Variants in OTOF observed in about 807,000 individuals in gnomAD.
OTOF encodes the protein fer-1-like family member 2.
A neutral mutation model predicts 236.8 loss-of-function variants in OTOF; 218 were observed. The ratio of observed to expected loss-of-function variants is 0.92; its 90% confidence interval spans 0.82 to 1.03. The LOEUF is 1.03. Among genes scored for constraint, OTOF ranks in the 50% least tolerant of loss-of-function variants. The pLI is 0.00. For synonymous variants in OTOF, 1,041 were observed against 1,072.5 expected, an observed-to-expected ratio of 0.97 and a Z score of 0.57; for missense variants, 2,590 against 2,694.4, an observed-to-expected ratio of 0.96 and a Z score of 0.86.
intron 3 of OTOF, among the ~76,000 whole-genome samples, chr2:26,523,685 T>G (rs1035272162): frequency 2.6e-5 from 4 of 152,224 alleles, no homozygotes; most frequent in African/African-American, 9.6e-5. Context: ...CATTTATTCA[T>G]TCTTTTATTC....
At chr2:26,495,989 G>C (rs1665973873) in intron 8 of OTOF, among the ~76,000 whole-genome samples, 1 of 152,022 alleles carries the variant, frequency 6.6e-6, no homozygotes, top group Non-Finnish European at 1.5e-5. Flanking sequence ...GAATTTCTTT[G>C]TTTGTATGGC....
chr2:26,531,118 C>A (rs945013397), intron 2 of OTOF, among the ~76,000 whole-genome samples: 4 of 152,190 alleles, frequency 2.6e-5, no homozygotes, highest in Non-Finnish European at 5.9e-5. Flanking sequence ...CCTTGCTGTG[C>A]CCAGACAGCA....
chr2:26,460,957 G>A lies in OTOF; in HGVS notation c.5607C>T (p.Ala1869=), dbSNP rs1664436526. ...CGAGGGGCACGTCCACCTCCCCGGT[G>A]GCCATCTCCATGGTGCACTGCTTGG... is the stretch of plus-strand genomic sequence containing the variant. ...KTAKQCTMEM[A]TGEVDVPLVS... Residue 1869 remains alanine, a synonymous_variant, in exon 44 of 47, where the codon GCC becomes GCT. Transcript: ENST00000272371. This position sits in a 1 kb window ranked among gnomAD's most constrained non-coding sequence, Gnocchi z 5.3. 30 of 1,614,062 alleles carry A rather than the reference G, an allele frequency of 1.9e-5. No individual in the cohort carries two copies. Among genetic ancestry groups the A allele is most frequent in the Non-Finnish European group, 2.5e-5 (29 of 1,179,968 alleles).
At chr2:26,489,650 T>G in intron 10 of OTOF, 28 bp downstream of exon 10, 1 of 1,597,624 alleles carries the variant, frequency 6.3e-7, no homozygotes, top group Non-Finnish European at 8.6e-7. Context: ...GGAGTGGCCC[T>G]GCCGGCCAGG....
In OTOF at chr2:26,470,416, G is replaced by A. The variant is rs1395540744; in HGVS notation, c.4023+177C>T. 2.0e-5 allele frequency among the ~76,000 whole-genome samples: 3 copies of A among 152,098 alleles called. No homozygotes were observed. The highest frequency in any genetic ancestry group is 2.9e-5 in the Non-Finnish European group (2 of 68,034). On this transcript the variant is annotated intron_variant, in intron 32 of 46. Coordinates refer to ENST00000272371, the MANE Select transcript of OTOF (RefSeq NM_194248.3). This position sits in a 1 kb window ranked among gnomAD's most constrained non-coding sequence, Gnocchi z 4.3. ...AAAACCAAGCAGGGAAGGTAGATGG[G>A]ACCATCATCTTGGAAGGTGAGTTCT... is the stretch of plus-strand genomic sequence containing the variant.
intron 5 of OTOF, among the ~76,000 whole-genome samples, chr2:26,507,078 C>A (rs746475408): frequency 4.6e-5 from 7 of 152,214 alleles, no homozygotes; most frequent in Non-Finnish European, 8.8e-5. Context: ...CCCTTCCAAC[C>A]CTGCATAGTT....
chr2:26,482,857 ATGCATGTGTGCGTGTGTGAGTGGT>A (rs1434538995), intron 13 of OTOF, among the ~76,000 whole-genome samples: 4 of 57,386 alleles, frequency 7.0e-5, no homozygotes, highest in East Asian at 1.2e-3. Context: ...GCGTGAGTGG[ATGCATGTGTGCGTGTGTGAGTGGT>A]TGCATGTGTG....
intron 3 of OTOF, among the ~76,000 whole-genome samples, chr2:26,524,475 C>A (rs542595603): frequency 3.3e-5 from 5 of 152,344 alleles, no homozygotes; most frequent in African/African-American, 1.2e-4. Flanking sequence ...GGCCACTGCA[C>A]TCCAGCCTGG....
At chr2:26,506,905 C>A (rs542249975) in intron 5 of OTOF, among the ~76,000 whole-genome samples, 1 of 152,236 alleles carries the variant, frequency 6.6e-6, no homozygotes, top group East Asian at 1.9e-4. Flanking sequence ...GCAGGAGAAT[C>A]GCTTGAACTA....
At chr2:26,517,195 G>A (rs985980667) in intron 4 of OTOF, among the ~76,000 whole-genome samples, 3 of 152,196 alleles carry the variant, frequency 2.0e-5, no homozygotes, top group Admixed American at 2.0e-4. Context: ...AGGCTTAGCA[G>A]TGGAGAGTCA....
At chr2:26,518,615 C>T (rs1666594175) in intron 4 of OTOF, among the ~76,000 whole-genome samples, 1 of 152,278 alleles carries the variant, frequency 6.6e-6, no homozygotes, top group African/African-American at 2.4e-5. Context: ...GAAATGAGGT[C>T]CCTGCCCTCC....
Position 26,476,927 on chromosome 2 carries a change from G to T in OTOF, c.2640C>A (p.Gly880=). Reference sequence around the variant, plus strand: ...GCGTCTTGACCTTGGCGCAGTCCTTGCCAGTCTCCTCCTCCACGATGGAGA... The same window carrying T: ...GCGTCTTGACCTTGGCGCAGTCCTTTCCAGTCTCCTCCTCCACGATGGAGA... The part of the protein sequence containing the change: ...LLFSIVEEET[G]KDCAKVKTLF... The change falls in exon 22 of 47, where the codon GGC becomes GGA. Residue 880 remains glycine, a synonymous_variant. Transcript: ENST00000272371. 1 of 1,611,004 alleles carries T rather than the reference G, an allele frequency of 6.2e-7. No homozygotes were observed. The highest frequency in any genetic ancestry group is 8.5e-7 in the Non-Finnish European group (1 of 1,179,496).
intron 36 of OTOF, 123 bp downstream of exon 36, chr2:26,466,591 C>T (rs1351435185): frequency 2.0e-4 from 239 of 1,175,232 alleles, no homozygotes; most frequent in Non-Finnish European, 1.5e-5. Context: ...CCTGCCTTGG[C>T]CTCCCAAAGT....
chr2:26,459,820 T>C (rs570668425), intron 46 of OTOF, among the ~76,000 whole-genome samples, 188 bp downstream of exon 46: 4 of 152,324 alleles, frequency 2.6e-5, no homozygotes, highest in African/African-American at 9.6e-5. Flanking sequence ...TGGGCTTAAG[T>C]GTGTGCCTGT....
intron 46 of OTOF, 56 bp from the exon 47 acceptor site, chr2:26,458,276 G>A: frequency 6.6e-7 from 1 of 1,514,382 alleles, no homozygotes; most frequent in Non-Finnish European, 9.0e-7. Context: ...GCCTCCCAGT[G>A]CACCCCATCC....
intron 1 of OTOF, among the ~76,000 whole-genome samples, chr2:26,550,132 C>G (rs1462616990): frequency 1.3e-5 from 2 of 150,352 alleles, no homozygotes; most frequent in Admixed American, 1.3e-4. Context: ...TGGGTGAAAA[C>G]TCGTCTCCAC....
At chr2:26,494,741 T>G (rs1240790378) in intron 9 of OTOF, among the ~76,000 whole-genome samples, 1 of 151,808 alleles carries the variant, frequency 6.6e-6, no homozygotes, top group African/African-American at 2.4e-5. Flanking sequence ...TGTCGGCCTG[T>G]GCTCTAGACT....
Position 26,489,400 on chromosome 2 carries a change from C to A in OTOF, c.961-105G>T, listed in dbSNP as rs945531971. Reference sequence around the variant, plus strand: ...TTGTGGTGAAGTGGGAGGGCGTTGGCAGAGTGGGGTGGCTCACTGAGGCTC... The same window carrying A: ...TTGTGGTGAAGTGGGAGGGCGTTGGAAGAGTGGGGTGGCTCACTGAGGCTC... On this transcript the variant is annotated intron_variant, in intron 10 of 46. Coordinates refer to ENST00000272371, the MANE Select transcript of OTOF (RefSeq NM_194248.3). The A allele has an allele frequency of 9.0e-6, 8 of 886,746 alleles. No homozygotes were observed. In the African/African-American group the frequency reaches 1.3e-4, roughly 15 times the overall value. 54.9% of individuals were successfully genotyped at this position (886,746 alleles called of 1,614,324 possible). A position where few individuals can be genotyped will look rare whatever the true frequency, so the allele number is the denominator to read the frequency against.
intron 8 of OTOF, among the ~76,000 whole-genome samples, chr2:26,499,472 G>T (rs917375037): frequency 6.6e-6 from 1 of 151,928 alleles, no homozygotes; most frequent in Non-Finnish European, 1.5e-5. Context: ...GAGTGAAGTC[G>T]TATCTGGTTT....
Sources: gnomAD v4.1 joint callset for allele counts (sites outside exome capture counted in the v4.1 genomes callset) on GRCh38, gnomAD v4.1.1 for gene constraint, Gnocchi (gnomAD v3.1) non-coding constraint, MANE v1.5 for transcripts, NCBI Gene and HGNC (gene_info 2026-07-23, HGNC 2026-07-21) for gene names.